Variants in FARS2 observed in about 807,000 individuals in gnomAD.
The protein encoded by FARS2 is phenylalanine--tRNA ligase, mitochondrial.
Under a neutral mutation model 46.4 loss-of-function variants are expected in FARS2, and 40 were observed. That is an observed-to-expected ratio of 0.86 (90% CI 0.67 to 1.12). The LOEUF (loss-of-function observed/expected upper bound fraction) is 1.12. FARS2 is among the 50% of genes most tolerant of loss of function. The probability of loss-of-function intolerance (pLI) is 0.00; values close to 1 mark genes in which losing one functional copy is unlikely to be tolerated. For missense variants in FARS2, 513 were observed against 567.9 expected (o/e 0.90, Z 0.98); for synonymous variants, 234 against 214.9 (o/e 1.09, Z -0.78).
chr6:5,757,844 A>G (rs1313644346), intron 6 of FARS2, among the ~76,000 whole-genome samples: 3 of 152,172 alleles, frequency 2.0e-5, no homozygotes, highest in African/African-American at 7.2e-5. Context: ...CATTGTCTCT[A>G]TTGTTGCTAC....
rs78499304 is a variant in FARS2, at chr6:5,394,958, G to C, written c.613-9584G>C. ...GGAGAGTAGGACTGTCACCTTGTAG[G>C]CCTCTCTCTTTTTTTTGCCGTTTCT... On this transcript the variant is annotated intron_variant, in intron 2 of 6. Coordinates refer to ENST00000274680, the MANE Select transcript of FARS2 (RefSeq NM_006567.5). Among the ~76,000 whole-genome samples the C allele has an allele frequency of 9.7e-4, 148 of 152,148 alleles. 2 individuals are homozygous for C. The East Asian group carries it at 0.015, about 15-fold the overall frequency.
At chr6:5,534,222 T>C (rs2150466004) in intron 4 of FARS2, among the ~76,000 whole-genome samples, 1 of 150,946 alleles carries the variant, frequency 6.6e-6, no homozygotes, top group African/African-American at 2.4e-5. Flanking sequence ...CATGAAAACT[T>C]TCTTCAAAAT....
At chr6:5,373,999 AT>A (rs1759223953) in intron 2 of FARS2, among the ~76,000 whole-genome samples, 1 of 151,686 alleles carries the variant, frequency 6.6e-6, no homozygotes, top group African/African-American at 2.4e-5. Context: ...TTTTGTTTTT[AT>A]TTTTTAGATG....
At chr6:5,534,202 G>A (rs983733545) in intron 4 of FARS2, among the ~76,000 whole-genome samples, 2 of 152,154 alleles carry the variant, frequency 1.3e-5, no homozygotes, top group Non-Finnish European at 2.9e-5. Flanking sequence ...CTTTCAGAAA[G>A]TGACGAACAC....
At chr6:5,400,095 T>C (rs180957585) in intron 2 of FARS2, among the ~76,000 whole-genome samples, 304 of 152,312 alleles carry the variant, frequency 2.0e-3, no homozygotes, top group Middle Eastern at 6.8e-3. Flanking sequence ...AAAGTATGAC[T>C]GTACTTATTT....
chr6:5,766,498 G>T (rs1368143171), intron 6 of FARS2, among the ~76,000 whole-genome samples: 2 of 152,252 alleles, frequency 1.3e-5, no homozygotes, highest in Non-Finnish European at 2.9e-5. Flanking sequence ...CCAGAGAGGA[G>T]CATGGGCTCA....
intron 4 of FARS2, among the ~76,000 whole-genome samples, chr6:5,492,434 T>C (rs1175440600): frequency 6.6e-6 from 1 of 152,192 alleles, no homozygotes; most frequent in African/African-American, 2.4e-5. Context: ...AAAAGTAAAA[T>C]GTATTATGTA....
the FARS2 span, among the ~76,000 whole-genome samples, chr6:5,250,746 A>T: frequency 5.3e-5 from 8 of 152,204 alleles, no homozygotes; most frequent in Admixed American, 2.0e-4. Flanking sequence ...TATGGAAACA[A>T]CTTAGAAAAT....
At chr6:5,374,228 C>T (rs369152996) in intron 2 of FARS2, among the ~76,000 whole-genome samples, 4 of 152,050 alleles carry the variant, frequency 2.6e-5, no homozygotes, top group Admixed American at 2.0e-4. Context: ...TTCGTGCATA[C>T]GTTTGAAAAT....
chr6:5,440,562 C>T (rs545125139), intron 4 of FARS2, among the ~76,000 whole-genome samples: 3 of 152,310 alleles, frequency 2.0e-5, no homozygotes, highest in African/African-American at 7.2e-5. Context: ...CATAGGCACA[C>T]TGGAAAAAAA....
chr6:5,666,412 G>A (rs1778123594), intron 6 of FARS2, among the ~76,000 whole-genome samples: 1 of 152,172 alleles, frequency 6.6e-6, no homozygotes, highest in Non-Finnish European at 1.5e-5. Flanking sequence ...ACTGCCAGGA[G>A]TTCAAGTCAG....
chr6:5,328,418 C>G (rs1169606484), intron 1 of FARS2, among the ~76,000 whole-genome samples: 1 of 152,106 alleles, frequency 6.6e-6, no homozygotes, highest in South Asian at 2.1e-4. Context: ...GTTTTTAACA[C>G]TAAGACCTTG....
intron 6 of FARS2, among the ~76,000 whole-genome samples, chr6:5,679,617 A>G (rs1216539947): frequency 6.6e-6 from 1 of 152,210 alleles, no homozygotes; most frequent in Non-Finnish European, 1.5e-5. Flanking sequence ...AAAAGAAATA[A>G]TGGAGAGGAA....
intron 1 of FARS2, among the ~76,000 whole-genome samples, chr6:5,352,518 G>A (rs1169368322): frequency 6.6e-6 from 1 of 151,926 alleles, no homozygotes; most frequent in African/African-American, 2.4e-5. Context: ...TGAGCAGGAA[G>A]GGAGAACGGA....
At chr6:5,442,430 T>A (rs1049205070) in intron 4 of FARS2, among the ~76,000 whole-genome samples, 1 of 146,322 alleles carries the variant, frequency 6.8e-6, no homozygotes, top group Non-Finnish European at 1.5e-5. Context: ...CACACACACA[T>A]TTCTTTTTTT....
chr6:5,764,053 G>A lies in FARS2; in HGVS notation c.1218-7238G>A, dbSNP rs1219726985. On this transcript the variant is annotated intron_variant, in intron 6 of 6. Transcript: ENST00000274680. This position sits in a 1 kb window ranked among gnomAD's most constrained non-coding sequence, Gnocchi z 4.1. ...TCCAATAAGCCACAGGAGTAAAGGAGGAAGATGGGGCGGATGCGTAGGTAT... is the reference window on the plus strand; with the variant it reads ...TCCAATAAGCCACAGGAGTAAAGGAAGAAGATGGGGCGGATGCGTAGGTAT... Among the ~76,000 whole-genome samples, 3 of 152,104 alleles carry A rather than the reference G, an allele frequency of 2.0e-5. No individual in the cohort carries two copies. Among genetic ancestry groups the A allele is most frequent in the Admixed American group, 6.5e-5 (1 of 15,272 alleles).
At chr6:5,724,760 AT>A (rs1760143519) in intron 6 of FARS2, among the ~76,000 whole-genome samples, 1 of 152,190 alleles carries the variant, frequency 6.6e-6, no homozygotes, top group Non-Finnish European at 1.5e-5. Flanking sequence ...ACTCTTTGTA[AT>A]CAGGGAATTC....
intron 4 of FARS2, among the ~76,000 whole-genome samples, chr6:5,461,586 G>T (rs541006734): frequency 3.9e-5 from 6 of 152,014 alleles, no homozygotes; most frequent in African/African-American, 4.8e-5. Context: ...TGAGAGGGGG[G>T]TCTCACTGCT....
intron 6 of FARS2, among the ~76,000 whole-genome samples, chr6:5,628,164 G>A (rs529649605): frequency 6.6e-6 from 1 of 152,160 alleles, no homozygotes; most frequent in Admixed American, 6.5e-5. Context: ...TGACAGGAAC[G>A]GGGGAGATCA....
Sources: gnomAD v4.1 joint callset for allele counts (sites outside exome capture counted in the v4.1 genomes callset) on GRCh38, gnomAD v4.1.1 for gene constraint, Gnocchi (gnomAD v3.1) non-coding constraint, MANE v1.5 for transcripts, NCBI Gene and HGNC (gene_info 2026-07-23, HGNC 2026-07-21) for gene names.